Variants in ATP2B2 observed in about 807,000 individuals in gnomAD.
ATP2B2 encodes the protein plasma membrane calcium-transporting ATPase 2.
In ATP2B2, 15 loss-of-function variants were observed where a neutral mutation model predicts 120.0. That is an observed-to-expected ratio of 0.12 (90% CI 0.08 to 0.19). ATP2B2 has a LOEUF of 0.19. ATP2B2 is among the 10% of genes least tolerant of loss of function. The pLI is 1.00. For missense variants in ATP2B2, 1,045 were observed against 1,719.8 expected, an observed-to-expected ratio of 0.61 and a Z score of 6.94; for synonymous variants, 694 against 700.3, an observed-to-expected ratio of 0.99 and a Z score of 0.14.
intron 1 of ATP2B2, among the ~76,000 whole-genome samples, chr3:10,499,407 CCA>C (rs1423695029): frequency 3.3e-5 from 5 of 152,202 alleles, no homozygotes; most frequent in African/African-American, 1.2e-4. Context: ...ACTGGTTCAA[CCA>C]CACACAACCG....
Position 10,375,761 on chromosome 3 carries a change from G to C in ATP2B2, c.1202-117C>G, listed in dbSNP as rs1230464788. On this transcript the variant is annotated intron_variant, in intron 10 of 22. Coordinates refer to ENST00000360273, the MANE Select transcript of ATP2B2 (RefSeq NM_001001331.4). This position sits in a 1 kb window ranked among gnomAD's most constrained non-coding sequence, Gnocchi z 4.2. ...CAGGCTGACCCCAGCTCACCTCCCA[G>C]CTCTGCCACTCCTTGCTTTATGACC... 9.3e-6 allele frequency: 8 copies of C among 860,442 alleles called. No individual in the cohort carries two copies. The highest frequency in any genetic ancestry group is 1.5e-5 in the Non-Finnish European group (8 of 523,538). 53.3% of individuals were successfully genotyped at this position (860,442 alleles called of 1,614,324 possible).
At chr3:10,543,740 ATTT>A (rs144604142) in intron 2 of ATP2B2, among the ~76,000 whole-genome samples, 1 of 141,542 alleles carries the variant, frequency 7.1e-6, no homozygotes, top group Non-Finnish European at 1.5e-5. Context: ...GTTCTTCATA[ATTT>A]TTTTTTTTTT....
At chr3:10,419,936 T>C (rs944405725) in intron 2 of ATP2B2, among the ~76,000 whole-genome samples, 1 of 152,226 alleles carries the variant, frequency 6.6e-6, no homozygotes, top group African/African-American at 2.4e-5. Context: ...AAATTTCAGA[T>C]AAAACGAATG....
At chr3:10,393,593 A>C (rs546777566) in intron 5 of ATP2B2, among the ~76,000 whole-genome samples, 2 of 152,132 alleles carry the variant, frequency 1.3e-5, no homozygotes, top group East Asian at 3.9e-4. Flanking sequence ...CTTGTGGACA[A>C]AGTTGGTGGG....
rs2062580990 is a variant in ATP2B2 at position 10,410,675 on chromosome 3, C to T, written c.340G>A (p.Ala114Thr). 1 of 1,613,918 alleles carries T rather than the reference C, an allele frequency of 6.2e-7. No homozygotes were observed. Among genetic ancestry groups the T allele is most frequent in the African/African-American group, 1.3e-5 (1 of 74,936 alleles). ...QDVTLIILEI[A>T]AIISLGLSFY... ...GACAGCCCCAGGGAGATGATGGCGGCAATCTCCAGGATGATGAGCGTCACG... is the reference window on the plus strand; with the variant it reads ...GACAGCCCCAGGGAGATGATGGCGGTAATCTCCAGGATGATGAGCGTCACG... Residue 114 changes from alanine to threonine, a missense_variant, in exon 3 of 23, where the codon GCC becomes ACC. This residue lies in a region of ATP2B2 where 7 missense variants were observed against 26.0 expected (regional missense o/e 0.27). Transcript: ENST00000360273.
chr3:10,707,955 C>T, exon 1 of ATP2B2: 1 of 150,490 alleles, frequency 6.6e-6, no homozygotes, highest in Non-Finnish European at 1.5e-5. Flanking sequence ...GCCGCCGCTG[C>T]CGCCGCCGCT....
intron 2 of ATP2B2, among the ~76,000 whole-genome samples, chr3:10,535,655 G>T (rs1201206142): frequency 6.6e-6 from 1 of 152,054 alleles, no homozygotes; most frequent in African/African-American, 2.4e-5. Context: ...TTTTCATTCT[G>T]CAGAATTCCC....
chr3:10,474,709 G>T (rs1009245881), intron 1 of ATP2B2, among the ~76,000 whole-genome samples: 1 of 152,194 alleles, frequency 6.6e-6, no homozygotes, highest in Non-Finnish European at 1.5e-5. Flanking sequence ...ACCTTGTAAG[G>T]TTCCACACTT....
rs1357627112 is a variant in ATP2B2, at chr3:10,635,904, T to C, written c.-459-15943A>G. ...TGCAAGTGTCACTCCCAGGCCTTCC[T>C]GCTGAGCCTCTCAGGGATGAGCCTC... On this transcript the variant is annotated intron_variant, in intron 1 of 21. Transcript: ENST00000646379. This position sits in a 1 kb window ranked among gnomAD's most constrained non-coding sequence, Gnocchi z 4.3. 3.9e-5 allele frequency among the ~76,000 whole-genome samples: 6 copies of C among 152,214 alleles called. No individual in the cohort carries two copies. Among genetic ancestry groups the C allele is most frequent in the Non-Finnish European group, 5.9e-5 (4 of 68,026 alleles).
At position 10,340,971 on chromosome 3, in the gene ATP2B2, C is replaced by T. The variant is rs538535608; in HGVS notation, c.2918-267G>A. ...TCTGTGGAAACCCGATAAAGGTGGA[C>T]GGCCGGCTGTGTTAAAGGTGGGCGA... On this transcript the variant is annotated intron_variant, in intron 19 of 22. Coordinates refer to ENST00000360273, the MANE Select transcript of ATP2B2 (RefSeq NM_001001331.4). The surrounding 1 kb of genome is among the most constrained non-coding windows in gnomAD (Gnocchi z 5.0). Among the ~76,000 whole-genome samples, 21 of 152,208 alleles carry T rather than the reference C, an allele frequency of 1.4e-4. No individual in the cohort carries two copies. The highest frequency in any genetic ancestry group is 1.8e-4 in the Non-Finnish European group (12 of 68,002).
Position 10,371,875 on chromosome 3 carries a change from G to A in ATP2B2, c.1593C>T (p.Asn531=). The A allele has an allele frequency of 6.2e-7, 1 of 1,614,190 alleles. No individual in the cohort carries two copies. Among genetic ancestry groups the A allele is most frequent in the Admixed American group, 1.7e-5 (1 of 60,028 alleles). The change falls in exon 12 of 23, where the codon AAC becomes AAT. Residue 531 remains asparagine, a synonymous_variant. Transcript: ENST00000360273. ...TGATCAGCAGCTCCATGGTCTTGGTGTTGATGGAGCTGGGGTCGGGGATCT... is the reference window on the plus strand; with the variant it reads ...TGATCAGCAGCTCCATGGTCTTGGTATTGATGGAGCTGGGGTCGGGGATCT... ...YKEIPDPSSI[N]TKTMELLINA...
At chr3:10,669,242 C>A (rs141543508) in intron 1 of ATP2B2, among the ~76,000 whole-genome samples, 14 of 152,236 alleles carry the variant, frequency 9.2e-5, no homozygotes, top group African/African-American at 3.4e-4. Flanking sequence ...AACCCAGGGC[C>A]ACATCTTTGG....
chr3:10,419,053 T>G (rs2062884500), intron 2 of ATP2B2, among the ~76,000 whole-genome samples: 1 of 152,250 alleles, frequency 6.6e-6, no homozygotes. Flanking sequence ...GCTGGTGACT[T>G]GGGCAAATCA....
chr3:10,402,022 T>A lies in ATP2B2; in HGVS notation c.655+69A>T. 3 of 1,603,066 alleles carry A rather than the reference T, an allele frequency of 1.9e-6. No individual in the cohort carries two copies. The highest frequency in any genetic ancestry group is 2.5e-6 in the Non-Finnish European group (3 of 1,179,080). ...CCTTCCTTGAGCCAATCTCTTTGCA[T>A]CAGCCTGGCCTGTCCCACCTCTGCC... On this transcript the variant is annotated intron_variant, in intron 4 of 22. Coordinates refer to ENST00000360273, the MANE Select transcript of ATP2B2 (RefSeq NM_001001331.4). The surrounding 1 kb of genome is among the most constrained non-coding windows in gnomAD (Gnocchi z 4.9).
intron 1 of ATP2B2, among the ~76,000 whole-genome samples, chr3:10,670,266 G>GCT (rs914152529): frequency 1.3e-5 from 2 of 152,158 alleles, no homozygotes; most frequent in African/African-American, 2.4e-5. Context: ...TCGCCAGGCG[G>GCT]CTCTCTCTCT....
chr3:10,333,321 G>A (rs1009746381), intron 22 of ATP2B2, among the ~76,000 whole-genome samples: 13 of 152,130 alleles, frequency 8.5e-5, no homozygotes, highest in Non-Finnish European at 1.5e-4. Context: ...GGTGGGGTGC[G>A]GTGGGGGTGA....
At chr3:10,387,908 A>C (rs2061727887) in intron 6 of ATP2B2, 1 of 337,374 alleles carries the variant, frequency 3.0e-6, no homozygotes, top group East Asian at 7.4e-5. Context: ...TATTGGAAGG[A>C]ATATGCTTCC....
chr3:10,691,575 C>T (rs1435328406), intron 1 of ATP2B2, among the ~76,000 whole-genome samples: 7 of 152,206 alleles, frequency 4.6e-5, no homozygotes, highest in Admixed American at 4.6e-4. Flanking sequence ...TTCTGTTTCT[C>T]CACGTCAGCT....
chr3:10,560,921 G>C (rs1003462483), intron 2 of ATP2B2, among the ~76,000 whole-genome samples: 14 of 152,034 alleles, frequency 9.2e-5, no homozygotes, highest in Admixed American at 6.5e-5. Context: ...CACAAGACTC[G>C]TTCCCACCCC....
Sources: allele counts gnomAD v4.1 joint callset (sites outside exome capture counted in the v4.1 genomes callset), GRCh38; gene constraint gnomAD v4.1.1; regional missense constraint gnomAD v4.1.1; non-coding constraint Gnocchi (gnomAD v3.1); transcripts MANE v1.5; gene names NCBI Gene and HGNC (gene_info 2026-07-23, HGNC 2026-07-21).